The following CTNNB1 variants were observed in gnomAD, a reference collection of about 807,000 sequenced individuals.
CTNNB1 encodes catenin beta-1.
Under a neutral mutation model 82.5 loss-of-function variants are expected in CTNNB1, and 6 were observed. The observed-to-expected ratio is 0.07, with a 90% CI of 0.04 to 0.14. The LOEUF is 0.14. CTNNB1 is among the 10% of genes least tolerant of loss of function. CTNNB1 has a pLI of 1.00. For missense variants in CTNNB1, 529 were observed against 980.4 expected (o/e 0.54, Z 6.15); for synonymous variants, 312 against 329.7 (o/e 0.95, Z 0.58).
chr3:41,234,484 A>G (rs2078386874), intron 10 of CTNNB1, 187 bp downstream of exon 10: 12 of 656,684 alleles, frequency 1.8e-5, no homozygotes, highest in Middle Eastern at 4.2e-4. Flanking sequence ...GTGTGGCCCC[A>G]GTGATATTTC....
intron 1 of CTNNB1, among the ~76,000 whole-genome samples, chr3:41,219,925 C>T (rs1394012127): frequency 2.6e-5 from 4 of 152,034 alleles, no homozygotes; most frequent in East Asian, 1.9e-4. Flanking sequence ...TATAGACATA[C>T]GATACAATCC....
chr3:41,205,303 G>A (rs1044865782), intron 1 of CTNNB1, among the ~76,000 whole-genome samples: 1 of 152,168 alleles, frequency 6.6e-6, no homozygotes, highest in Non-Finnish European at 1.5e-5. Flanking sequence ...GAATATAAAC[G>A]TTTTACTTAA....
Position 41,237,988 on chromosome 3 carries a change from C to A in CTNNB1, c.2077-28C>A, listed in dbSNP as rs369840402. 17 of 1,605,316 alleles carry A rather than the reference C, an allele frequency of 1.1e-5. No individual in the cohort carries two copies. The African/African-American group carries it at 1.1e-4, about 10-fold the overall frequency. On this transcript the variant is annotated intron_variant, in intron 13 of 14. Coordinates refer to ENST00000349496, the MANE Select transcript of CTNNB1 (RefSeq NM_001904.4). ...GAGAATTTTCATTTTGCTTTCTATT[C>A]TTCCTTGCTTTGTGCATGTTTATCT...
At position 41,227,194 on chromosome 3, in the gene CTNNB1, A is replaced by C. The variant is rs936265946; in HGVS notation, c.937-14A>C. On this transcript the variant is annotated splice_polypyrimidine_tract_variant and intron_variant, in intron 6 of 14. Transcript: ENST00000349496. ...ATTCCTTGACTAACAAGATATATAT[A>C]TATATCTTTCTAGCTCATCATACTG... 6.3e-7 allele frequency: 1 copy of C among 1,594,718 alleles called. No homozygotes were observed. The highest frequency in any genetic ancestry group is 1.3e-5 in the African/African-American group (1 of 74,480).
intron 10 of CTNNB1, 160 bp downstream of exon 10, chr3:41,234,457 A>G: frequency 4.0e-6 from 3 of 750,062 alleles, no homozygotes; most frequent in South Asian, 1.6e-5. Flanking sequence ...CTATGGCTGC[A>G]GAGAAAATAA....
chr3:41,236,267 TG>T, intron 11 of CTNNB1, 81 bp from the exon 12 acceptor site: 5 of 1,518,950 alleles, frequency 3.3e-6, no homozygotes, highest in Non-Finnish European at 4.6e-6. Context: ...CACTCTGAAT[TG>T]GGAATGTTTG....
intron 7 of CTNNB1, among the ~76,000 whole-genome samples, chr3:41,231,658 T>C (rs1413092572): frequency 6.6e-6 from 1 of 152,226 alleles, no homozygotes; most frequent in Non-Finnish European, 1.5e-5. Context: ...GATGGTTGTT[T>C]ATCAATAGCA....
At chr3:41,235,391 T>G in intron 10 of CTNNB1, 1 of 305,690 alleles carries the variant, frequency 3.3e-6, no homozygotes, top group Non-Finnish European at 6.2e-6. Context: ...AACGTTGACA[T>G]AGTCTGAGCA....
chr3:41,213,087 A>T lies in CTNNB1; in HGVS notation c.-48-10934A>T, dbSNP rs117597277. 8.5e-5 allele frequency among the ~76,000 whole-genome samples: 13 copies of T among 152,322 alleles called. No homozygotes were observed. The East Asian group carries it at 2.1e-3, about 25-fold the overall frequency. ...TTCATGACTTTCAGTGTCACGTAGA[A>T]CAGAAAACACTTTTCTTACCAAAGG... On this transcript the variant is annotated intron_variant, in intron 1 of 14. Transcript: ENST00000349496.
rs1304150324 is a variant in CTNNB1, at chr3:41,236,460, C to T, written c.1915C>T (p.Pro639Ser). ...EAIEAEGATA[P>S]LTELLHSRNE... ...TATTGAAGCTGAGGGAGCCACAGCT[C>T]CTCTGACAGAGTTACTTCACTCTAG... Residue 639 changes from proline to serine, a missense_variant, in exon 12 of 15, where the codon CCT becomes TCT. Transcript: ENST00000349496. 1.2e-6 allele frequency: 2 copies of T among 1,614,060 alleles called. No homozygotes were observed. The highest frequency in any genetic ancestry group is 2.7e-5 in the African/African-American group (2 of 74,906).
rs1023412374 is a variant in CTNNB1 at position 41,224,003 on chromosome 3, T to C, written c.-48-18T>C. 23 of 1,551,320 alleles carry C rather than the reference T, an allele frequency of 1.5e-5. No individual in the cohort carries two copies. The highest frequency in any genetic ancestry group is 1.7e-4 in the Middle Eastern group (1 of 5,902). On this transcript the variant is annotated intron_variant, in intron 1 of 14. Transcript: ENST00000349496. ...AGCTAAATTTAAATCCTAATGACTT[T>C]TGATTAACTTTTTTTAGGGTATTTG...
rs368112338 is a variant in CTNNB1 at position 41,230,772 on chromosome 3, T to C, written c.1082-2569T>C. On this transcript the variant is annotated intron_variant, in intron 7 of 14. Coordinates refer to ENST00000349496, the MANE Select transcript of CTNNB1 (RefSeq NM_001904.4). Reference sequence around the variant, plus strand: ...AAGTGAGGGTTAAACGTTTTCCAGGTAGAGAAAAGGAACACCATGTGCTAT... The same window carrying C: ...AAGTGAGGGTTAAACGTTTTCCAGGCAGAGAAAAGGAACACCATGTGCTAT... Among the ~76,000 whole-genome samples the C allele has an allele frequency of 3.3e-5, 5 of 152,192 alleles. No homozygotes were observed. The East Asian group carries it at 7.7e-4, about 24-fold the overall frequency.
rs930523407 is a variant in CTNNB1 at position 41,235,551 on chromosome 3, A to G, written c.1684-173A>G. ...GGTGCTGCTTTGAATTAGTGCTGCC[A>G]GGAGGCCTCTTTTCAGTGACATTCA... On this transcript the variant is annotated intron_variant, in intron 10 of 14. Coordinates refer to ENST00000349496, the MANE Select transcript of CTNNB1 (RefSeq NM_001904.4). 15 of 766,588 alleles carry G rather than the reference A, an allele frequency of 2.0e-5. No homozygotes were observed. In the South Asian group the frequency reaches 2.3e-4, roughly 12 times the overall value. 47.5% of individuals were successfully genotyped at this position (766,588 alleles called of 1,614,324 possible).
chr3:41,203,371 CAGT>C (rs1575280012), intron 1 of CTNNB1, among the ~76,000 whole-genome samples: 1 of 152,026 alleles, frequency 6.6e-6, no homozygotes, highest in South Asian at 2.1e-4. Flanking sequence ...CCAATATTTG[CAGT>C]AGAAAAGTCG....
At chr3:41,237,024 G>T in intron 13 of CTNNB1, 2 of 500,730 alleles carry the variant, frequency 4.0e-6, no homozygotes, top group Non-Finnish European at 7.0e-6. Context: ...GTTAAACACT[G>T]TTAAGAGGAC....
chr3:41,218,960 G>T (rs2125607421), intron 1 of CTNNB1, among the ~76,000 whole-genome samples: 2 of 152,194 alleles, frequency 1.3e-5, no homozygotes, highest in Middle Eastern at 6.8e-3. Context: ...TATATTCTTT[G>T]CATACTTTTA....
chr3:41,202,227 T>C (rs1447872836), intron 1 of CTNNB1, among the ~76,000 whole-genome samples: 2 of 152,218 alleles, frequency 1.3e-5, no homozygotes, highest in Admixed American at 6.5e-5. Context: ...AGATTATTTT[T>C]ATTTCTCTTG....
chr3:41,215,968 CT>C (rs1321763187), intron 1 of CTNNB1, among the ~76,000 whole-genome samples: 2 of 152,130 alleles, frequency 1.3e-5, no homozygotes, highest in African/African-American at 2.4e-5. Context: ...TGGCTAACCC[CT>C]GTCTTTCATT....
intron 1 of CTNNB1, among the ~76,000 whole-genome samples, chr3:41,210,746 T>C (rs1484971464): frequency 1.3e-5 from 2 of 151,976 alleles, no homozygotes; most frequent in Admixed American, 1.3e-4. Flanking sequence ...CCTGTAACAA[T>C]CATTATCATT....
Sources: allele counts gnomAD v4.1 joint callset (sites outside exome capture counted in the v4.1 genomes callset), GRCh38; gene constraint gnomAD v4.1.1; transcripts MANE v1.5; gene names NCBI Gene and HGNC (gene_info 2026-07-23, HGNC 2026-07-21).